Variants in EFL1 observed in about 807,000 individuals in gnomAD.
EFL1 encodes the protein elongation factor like GTPase 1.
Under a neutral mutation model 126.7 loss-of-function variants are expected in EFL1, and 76 were observed. The ratio of observed to expected loss-of-function variants is 0.60; its 90% CI spans 0.50 to 0.73. The LOEUF is 0.73. Among genes scored for constraint, EFL1 ranks in the 30% least tolerant of loss-of-function variants. EFL1 has a pLI of 0.00. For missense variants in EFL1, 1,128 were observed against 1,343.2 expected (o/e 0.84, Z 2.50); for synonymous variants, 410 against 448.4 (o/e 0.91, Z 1.08).
At chr15:82,155,701 G>A (rs546444409) in intron 17 of EFL1, among the ~76,000 whole-genome samples, 27 of 152,298 alleles carry the variant, frequency 1.8e-4, no homozygotes, top group Middle Eastern at 3.4e-3. Flanking sequence ...CACTAGTTGT[G>A]TGGGTGAATT....
rs376442389 is a variant in EFL1, at chr15:82,163,860, T to G, written c.1875A>C (p.Lys625Asn). The G allele has an allele frequency of 1.2e-5, 20 of 1,613,534 alleles. No individual in the cohort carries two copies. Among genetic ancestry groups the G allele is most frequent in the Admixed American group, 3.3e-5 (2 of 59,916 alleles). The change falls in exon 16 of 20, where the codon AAA becomes AAC. Residue 625 changes from lysine to asparagine, a missense_variant. Physicochemically the swap from Lys to Asn is moderately conservative, Grantham distance 94. Around this residue, in one of 6 missense-constraint regions of EFL1, gnomAD observed 561 missense variants for 641.7 expected, o/e 0.87. Transcript: ENST00000268206. ...AAAATAAGGTCATCTTACTTGGATG[T>G]TTTGGTTCAACAGCAACTCTCACAA... ...TPIVRVAVEP[K>N]HPSEMPQLVK... is the part of the protein sequence containing the mutation.
chr15:82,157,991 G>T, intron 16 of EFL1, 131 bp from the exon 17 acceptor site: 5 of 1,092,288 alleles, frequency 4.6e-6, no homozygotes, highest in East Asian at 2.7e-5. Flanking sequence ...TTTTCTTCCA[G>T]ATAGTGTAGT....
chr15:82,132,681 T>TC (rs1555423075), intron 19 of EFL1, among the ~76,000 whole-genome samples: 2 of 42,956 alleles, frequency 4.7e-5, no homozygotes, highest in African/African-American at 1.8e-4. Context: ...GTCCAGGAAT[T>TC]GGGGGGGGGG....
chr15:82,250,525 G>C (rs1187129010), intron 4 of EFL1, among the ~76,000 whole-genome samples: 1 of 143,428 alleles, frequency 7.0e-6, no homozygotes, highest in African/African-American at 2.6e-5. Flanking sequence ...GAAGCAGTAG[G>C]CAACAGAAAT....
chr15:82,147,939 A>T (rs2073866193), intron 18 of EFL1, among the ~76,000 whole-genome samples: 1 of 152,210 alleles, frequency 6.6e-6, no homozygotes, highest in African/African-American at 2.4e-5. Context: ...GTACCAAAGT[A>T]AAAGAGCTAA....
intron 12 of EFL1, among the ~76,000 whole-genome samples, chr15:82,221,344 T>C (rs1048199832): frequency 2.0e-5 from 3 of 152,138 alleles, no homozygotes; most frequent in Admixed American, 6.5e-5. Flanking sequence ...GCCATGCAGG[T>C]AACCATTCTC....
intron 19 of EFL1, among the ~76,000 whole-genome samples, chr15:82,131,769 G>A (rs2073648467): frequency 6.6e-6 from 1 of 152,026 alleles, no homozygotes; most frequent in South Asian, 2.1e-4. Flanking sequence ...TCCAGCCTGG[G>A]CAACAAGAGT....
chr15:82,181,000 T>C (rs1187892709), intron 15 of EFL1, among the ~76,000 whole-genome samples: 1 of 152,150 alleles, frequency 6.6e-6, no homozygotes, highest in African/African-American at 2.4e-5. Flanking sequence ...AGTGCTGGGA[T>C]TACAGGTGTG....
At chr15:82,208,592 G>T in intron 15 of EFL1, among the ~76,000 whole-genome samples, 2 of 152,278 alleles carry the variant, frequency 1.3e-5, no homozygotes, top group Middle Eastern at 6.8e-3. Flanking sequence ...ATGCTAGTAT[G>T]TTGAACCTAA....
rs200082613 is a variant in EFL1 at position 82,187,456 on chromosome 15, CTT to C, written c.1751-23474_1751-23473del. Among the ~76,000 whole-genome samples the C allele has an allele frequency of 6.9e-3, 1,052 of 152,086 alleles. 11 individuals carry two copies. The highest frequency in any genetic ancestry group is 0.024 in the African/African-American group (1,006 of 41,476). On this transcript the variant is annotated intron_variant, in intron 15 of 19. Coordinates refer to ENST00000268206, the MANE Select transcript of EFL1 (RefSeq NM_024580.6). ...ATTTTGAACAATTTTTTATTATTAA[CTT>C]TGAGTTTTAGTTTATTTTGGTCAGA...
chr15:82,207,721 AT>A (rs200551064), intron 15 of EFL1, among the ~76,000 whole-genome samples: 31,706 of 141,712 alleles, frequency 0.22, 3,442 homozygotes, highest in South Asian at 0.4. Flanking sequence ...TGATTGATTG[AT>A]TTTTTTTTTT....
At chr15:82,181,533 T>C (rs943476508) in intron 15 of EFL1, among the ~76,000 whole-genome samples, 1 of 152,096 alleles carries the variant, frequency 6.6e-6, no homozygotes. Context: ...TTTCATAATA[T>C]CCCCAAGAGA....
intron 13 of EFL1, 121 bp from the exon 14 acceptor site, chr15:82,219,939 C>A: frequency 6.8e-7 from 1 of 1,477,052 alleles, no homozygotes; most frequent in Non-Finnish European, 9.0e-7. Flanking sequence ...AAAAAGAAAA[C>A]AAAACAAAAC....
At chr15:82,148,898 T>C (rs1359181116) in intron 18 of EFL1, among the ~76,000 whole-genome samples, 1 of 152,186 alleles carries the variant, frequency 6.6e-6, no homozygotes, top group Non-Finnish European at 1.5e-5. Context: ...TAGACATTTG[T>C]ACATGTTTAT....
chr15:82,139,197 T>C (rs958593652), intron 18 of EFL1, among the ~76,000 whole-genome samples: 1 of 152,214 alleles, frequency 6.6e-6, no homozygotes, highest in Non-Finnish European at 1.5e-5. Flanking sequence ...CTGGGCTTCA[T>C]AAATATTAAA....
chr15:82,217,364 A>C (rs145493482), intron 14 of EFL1, among the ~76,000 whole-genome samples: 1 of 107,574 alleles, frequency 9.3e-6, no homozygotes, highest in African/African-American at 3.6e-5. Flanking sequence ...GGTAGCATTG[A>C]TTAGATTTGA....
chr15:82,165,028 G>T (rs1293690275), intron 15 of EFL1, among the ~76,000 whole-genome samples: 1 of 152,078 alleles, frequency 6.6e-6, no homozygotes, highest in African/African-American at 2.4e-5. Flanking sequence ...TGTAATCCCA[G>T]CACTTTGGGA....
At chr15:82,190,910 T>C (rs1285896682) in intron 15 of EFL1, among the ~76,000 whole-genome samples, 1 of 152,034 alleles carries the variant, frequency 6.6e-6, no homozygotes, top group Non-Finnish European at 1.5e-5. Flanking sequence ...GGATATTAGA[T>C]CACAAGTACA....
At chr15:82,191,476 T>A (rs1463313524) in intron 15 of EFL1, among the ~76,000 whole-genome samples, 2 of 152,146 alleles carry the variant, frequency 1.3e-5, no homozygotes, top group Non-Finnish European at 2.9e-5. Flanking sequence ...TAAAAGCATT[T>A]TGAAAAGCAT....
Sources: gnomAD v4.1 joint callset for allele counts (sites outside exome capture counted in the v4.1 genomes callset) on GRCh38, gnomAD v4.1.1 for gene constraint, gnomAD v4.1.1 regional missense constraint, MANE v1.5 for transcripts, NCBI Gene and HGNC (gene_info 2026-07-23, HGNC 2026-07-21) for gene names.